The following DPF3 variants were observed in gnomAD, a reference collection of about 807,000 sequenced individuals.
DPF3 encodes the protein zinc finger protein DPF3.
Under a neutral mutation model 56.8 loss-of-function variants are expected in DPF3, and 18 were observed. The ratio of observed to expected loss-of-function variants is 0.32; its 90% CI spans 0.22 to 0.47. The LOEUF is 0.47. Ranked by LOEUF, DPF3 falls within the 20% of genes least tolerant of loss-of-function variation. The probability of loss-of-function intolerance (pLI) is 1.00; values close to 1 mark genes in which losing one functional copy is unlikely to be tolerated. For missense variants in DPF3, 403 were observed against 488.8 expected, an observed-to-expected ratio of 0.82 and a Z score of 1.65; for synonymous variants, 188 against 180.2, an observed-to-expected ratio of 1.04 and a Z score of -0.35.
intron 7 of DPF3, among the ~76,000 whole-genome samples, chr14:72,690,084 A>C (rs952446475): frequency 6.6e-6 from 1 of 152,132 alleles, no homozygotes; most frequent in Non-Finnish European, 1.5e-5. Context: ...AAAGAGAAAA[A>C]GGGGAGGGGG....
chr14:72,791,277 T>C (rs957515227), intron 1 of DPF3, among the ~76,000 whole-genome samples: 8 of 152,244 alleles, frequency 5.3e-5, no homozygotes, highest in African/African-American at 1.7e-4. Flanking sequence ...CTCGGACATA[T>C]GAGTGCTACA....
rs58405648 is a variant in DPF3, at chr14:72,863,058, T to TTA, written c.32+30997_32+30998dup. Among the ~76,000 whole-genome samples, 712 of 138,914 alleles carry TTA rather than the reference T, an allele frequency of 5.1e-3. 3 individuals are homozygous for TTA. Among genetic ancestry groups the TTA allele is most frequent in the African/African-American group, 7.5e-3 (277 of 36,746 alleles). 91.1% of individuals were successfully genotyped at this position (138,914 alleles called of 152,430 possible). A position where few individuals can be genotyped will look rare whatever the true frequency, so the allele number is the denominator to read the frequency against. ...TCTCCTTCCAGATATATTATTCCAT[T>TTA]TATATATATATATATATATATATAT... On this transcript the variant is annotated intron_variant, in intron 1 of 10. Transcript: ENST00000556509.
chr14:72,622,001 T>C (rs1010035784), intron 9 of DPF3, among the ~76,000 whole-genome samples: 4 of 152,166 alleles, frequency 2.6e-5, no homozygotes, highest in African/African-American at 9.7e-5. Flanking sequence ...GCCTGAGATA[T>C]GGACTTGGGA....
At chr14:72,731,988 G>C in intron 3 of DPF3, 54 bp from the exon 4 acceptor site, 2 of 1,549,888 alleles carry the variant, frequency 1.3e-6, no homozygotes, top group South Asian at 2.4e-5. Flanking sequence ...GGCAGGGCAG[G>C]AGGGACAGTC....
At chr14:72,622,470 G>A (rs1884517447) in intron 9 of DPF3, among the ~76,000 whole-genome samples, 1 of 152,120 alleles carries the variant, frequency 6.6e-6, no homozygotes, top group African/African-American at 2.4e-5. Context: ...ACAGAAAACA[G>A]ACAGGACTTG....
At chr14:72,639,744 C>A (rs1420439295) in intron 8 of DPF3, among the ~76,000 whole-genome samples, 1 of 152,038 alleles carries the variant, frequency 6.6e-6, no homozygotes, top group Non-Finnish European at 1.5e-5. Context: ...AGGCCTTGGG[C>A]CAGAGGCACC....
At chr14:72,853,341 C>T (rs544765533) in intron 1 of DPF3, 21 of 151,860 alleles carry the variant, frequency 1.4e-4, no homozygotes, top group African/African-American at 4.8e-4. Flanking sequence ...CACCATGTTG[C>T]TTTTTAAATG....
At chr14:72,892,077 T>TA (rs910189296) in intron 1 of DPF3, 2 of 1,476,504 alleles carry the variant, frequency 1.4e-6, no homozygotes, top group African/African-American at 2.8e-5. Flanking sequence ...AGCTTAGAGA[T>TA]ACTGCGCCCG....
chr14:72,693,013 G>A, intron 7 of DPF3, 63 bp downstream of exon 7: 1 of 1,597,894 alleles, frequency 6.3e-7, no homozygotes, highest in Middle Eastern at 1.7e-4. Flanking sequence ...AAGGAACAAG[G>A]AACGCTCCCC....
At chr14:72,884,065 A>G (rs935541593) in intron 1 of DPF3, among the ~76,000 whole-genome samples, 1 of 152,040 alleles carries the variant, frequency 6.6e-6, no homozygotes, top group Non-Finnish European at 1.5e-5. Context: ...CAGTCATCTC[A>G]GTTGAAGGAG....
intron 8 of DPF3, chr14:72,671,129 C>T (rs768198687): frequency 4.3e-6 from 7 of 1,613,576 alleles, no homozygotes; most frequent in East Asian, 2.2e-5. Flanking sequence ...GAGTCTGTTC[C>T]GTGGGTTTAG....
At chr14:72,867,628 G>A (rs909704882) in intron 1 of DPF3, among the ~76,000 whole-genome samples, 1 of 152,230 alleles carries the variant, frequency 6.6e-6, no homozygotes, top group Non-Finnish European at 1.5e-5. Flanking sequence ...AACAATTGAA[G>A]AGATGCCCCG....
intron 5 of DPF3, among the ~76,000 whole-genome samples, chr14:72,718,614 G>T (rs1889031582): frequency 6.6e-6 from 1 of 151,980 alleles, no homozygotes. Flanking sequence ...AACCACAATA[G>T]GTTCAGAGAG....
In DPF3 at chr14:72,788,374, A is replaced by G. The variant is rs554731432; in HGVS notation, c.33-16481T>C. On this transcript the variant is annotated intron_variant, in intron 1 of 10. Transcript: ENST00000556509. ...TGGTCTGTGGGGAGGAGGGCCGGGC[A>G]GGGCAGCGGACCAGAGGAAGAAGCA... is the stretch of plus-strand genomic sequence containing the variant. Among the ~76,000 whole-genome samples the G allele has an allele frequency of 5.3e-5, 8 of 152,204 alleles. No individual in the cohort carries two copies. The South Asian group carries it at 1.2e-3, about 24-fold the overall frequency.
Position 72,614,777 on chromosome 14 carries a change from G to GAAAAAAAAA in DPF3, c.*4511_*4519dup, listed in dbSNP as rs757694376. Among the ~76,000 whole-genome samples, 50 of 96,056 alleles carry GAAAAAAAAA rather than the reference G, an allele frequency of 5.2e-4. 1 individual carries two copies. The highest frequency in any genetic ancestry group is 3.2e-3 in the South Asian group (7 of 2,156). The allele number at this position is 96,056 out of a possible 152,430, so 63.0% of individuals were successfully genotyped here. A position where few individuals can be genotyped will look rare whatever the true frequency, so the allele number is the denominator to read the frequency against. Reference sequence around the variant, plus strand: ...CTGTTGCCCAGGATCACAAGCCTCAGAAAAAAAAAAAAGAGTTACAATCAC... The same window carrying GAAAAAAAAA: ...CTGTTGCCCAGGATCACAAGCCTCAGAAAAAAAAAAAAAAAAAAAAAGAGTTACAATCAC... On this transcript the variant is annotated 3_prime_UTR_variant, in exon 11 of 11. Transcript: ENST00000556509.
At chr14:72,671,100 G>A (rs1206706309) in intron 8 of DPF3, 1 of 1,609,726 alleles carries the variant, frequency 6.2e-7, no homozygotes, top group Non-Finnish European at 8.5e-7. Context: ...AGTCAGAGGG[G>A]GATGGCTAAT....
At chr14:72,820,947 C>G (rs1316290464) in intron 1 of DPF3, among the ~76,000 whole-genome samples, 3 of 151,964 alleles carry the variant, frequency 2.0e-5, no homozygotes, top group Non-Finnish European at 4.4e-5. Flanking sequence ...GCCTGGACAA[C>G]ATGATGAAAC....
rs961986724 is a variant in DPF3 at position 72,764,575 on chromosome 14, G to A, written c.193+7158C>T. Among the ~76,000 whole-genome samples, 68 of 121,306 alleles carry A rather than the reference G, an allele frequency of 5.6e-4. 1 individual carries two copies. The highest frequency in any genetic ancestry group is 2.0e-3 in the African/African-American group (64 of 32,158). The allele number at this position is 121,306 out of a possible 152,430, so 79.6% of individuals were successfully genotyped here. A position where few individuals can be genotyped will look rare whatever the true frequency, so the allele number is the denominator to read the frequency against. ...ACGAACTCGGCTCACTGCAAGCTCC[G>A]CCTCCCGGGTTCACGCCATTCTCCT... is the stretch of plus-strand genomic sequence containing the variant. On this transcript the variant is annotated intron_variant, in intron 2 of 10. Transcript: ENST00000556509.
rs1294326161 is a variant in DPF3, at chr14:72,718,453, C to T, written c.526-3952G>A. Among the ~76,000 whole-genome samples the T allele has an allele frequency of 2.0e-5, 3 of 152,310 alleles. No homozygotes were observed. The East Asian group carries it at 5.8e-4, about 29-fold the overall frequency. On this transcript the variant is annotated intron_variant, in intron 5 of 10. Transcript: ENST00000556509. ...TTTCATAGGAGTCCTAAAACGTGATCTGCCTTGTTCACTCTCACGCTCTCA... is the reference window on the plus strand; with the variant it reads ...TTTCATAGGAGTCCTAAAACGTGATTTGCCTTGTTCACTCTCACGCTCTCA...
Sources: allele counts gnomAD v4.1 joint callset (sites outside exome capture counted in the v4.1 genomes callset), GRCh38; gene constraint gnomAD v4.1.1; transcripts MANE v1.5; gene names NCBI Gene and HGNC (gene_info 2026-07-23, HGNC 2026-07-21).